Variants in PRKG1 observed in about 807,000 individuals in gnomAD.
PRKG1 encodes the protein cGMP-dependent protein kinase 1.
Under a neutral mutation model 88.1 loss-of-function variants are expected in PRKG1, and 35 were observed. The observed-to-expected ratio is 0.40, with a 90% CI of 0.30 to 0.53. The LOEUF is 0.53. PRKG1 is among the 20% of genes least tolerant of loss of function. The probability of loss-of-function intolerance (pLI) is 0.59; values close to 1 mark genes in which losing one functional copy is unlikely to be tolerated. For synonymous variants in PRKG1, 303 were observed against 292.5 expected (o/e 1.04, Z -0.37); for missense variants, 540 against 839.8 (o/e 0.64, Z 4.41).
intron 4 of PRKG1, among the ~76,000 whole-genome samples, chr10:51,846,733 C>A (rs1050578267): frequency 3.3e-5 from 5 of 152,132 alleles, no homozygotes; most frequent in Non-Finnish European, 7.4e-5. Flanking sequence ...GGATTTAATT[C>A]TGTTGCCTCT....
chr10:52,265,597 T>C (rs867806090), intron 10 of PRKG1, among the ~76,000 whole-genome samples: 6 of 152,004 alleles, frequency 3.9e-5, no homozygotes, highest in African/African-American at 1.2e-4. Flanking sequence ...AGGCAAAAAA[T>C]TGGGTCCAGT....
rs189262421 is a variant in PRKG1 at position 51,894,160 on chromosome 10, G to A, written c.699-13347G>A. On this transcript the variant is annotated intron_variant, in intron 4 of 17. Transcript: ENST00000373980. ...TCAGAAAATAAGTTGGAATAGGTTTGTGTGTTTTAGTGATTATTTTAAGTT... is the reference window on the plus strand; with the variant it reads ...TCAGAAAATAAGTTGGAATAGGTTTATGTGTTTTAGTGATTATTTTAAGTT... Among the ~76,000 whole-genome samples, 902 of 152,282 alleles carry A rather than the reference G, an allele frequency of 5.9e-3. 3 individuals carry two copies. The highest frequency in any genetic ancestry group is 0.01 in the Middle Eastern group (3 of 294).
intron 3 of PRKG1, among the ~76,000 whole-genome samples, chr10:51,564,408 GA>G (rs1837549665): frequency 6.6e-6 from 1 of 152,022 alleles, no homozygotes; most frequent in African/African-American, 2.4e-5. Flanking sequence ...TTTTAAGGAT[GA>G]AATCAGGGAT....
intron 1 of PRKG1, among the ~76,000 whole-genome samples, chr10:51,018,147 A>C (rs1057417698): frequency 6.6e-5 from 10 of 152,156 alleles, no homozygotes; most frequent in African/African-American, 2.2e-4. Context: ...TATATTAATT[A>C]ATTTAATCTT....
At chr10:51,206,174 A>AG (rs1838054185) in intron 2 of PRKG1, among the ~76,000 whole-genome samples, 1 of 152,044 alleles carries the variant, frequency 6.6e-6, no homozygotes, top group African/African-American at 2.4e-5. Context: ...ATAAACTGTG[A>AG]GGGGCTACTT....
At chr10:52,197,640 A>G (rs1839543630) in intron 9 of PRKG1, among the ~76,000 whole-genome samples, 1 of 152,196 alleles carries the variant, frequency 6.6e-6, no homozygotes, top group Non-Finnish European at 1.5e-5. Context: ...TTCGAATAGC[A>G]GCGTGGTCAC....
At chr10:51,377,033 C>T (rs1337326678) in intron 2 of PRKG1, among the ~76,000 whole-genome samples, 1 of 152,034 alleles carries the variant, frequency 6.6e-6, no homozygotes, top group South Asian at 2.1e-4. Flanking sequence ...AACCAAATGT[C>T]CATAGATTGT....
At chr10:51,312,683 A>G (rs202166135) in intron 2 of PRKG1, among the ~76,000 whole-genome samples, 44 of 150,914 alleles carry the variant, frequency 2.9e-4, no homozygotes, top group African/African-American at 9.2e-4. Context: ...AGATGGATAT[A>G]TGTGTGTGTG....
rs1841325104 is a variant in PRKG1, at chr10:51,697,441, T to C, written c.593-107144T>C. ...ATATTGCTGCTTATTCTTTGTAATC[T>C]TATTTGGCATAATATAATCATGTTC... On this transcript the variant is annotated intron_variant, in intron 3 of 17. Transcript: ENST00000373980. 11 of 474,362 alleles carry C rather than the reference T, an allele frequency of 2.3e-5. No individual in the cohort carries two copies. The South Asian group carries it at 3.2e-4, about 14-fold the overall frequency. The allele number at this position is 474,362 out of a possible 1,614,324, so 29.4% of individuals were successfully genotyped here. A position where few individuals can be genotyped will look rare whatever the true frequency, so the allele number is the denominator to read the frequency against.
At chr10:52,045,038 T>C (rs964630551) in intron 5 of PRKG1, among the ~76,000 whole-genome samples, 3 of 152,176 alleles carry the variant, frequency 2.0e-5, no homozygotes, top group African/African-American at 7.2e-5. Context: ...TGGGTGCAAG[T>C]CACAAATTAA....
At chr10:51,427,338 T>G (rs1358604291) in intron 2 of PRKG1, among the ~76,000 whole-genome samples, 1 of 152,090 alleles carries the variant, frequency 6.6e-6, no homozygotes, top group Non-Finnish European at 1.5e-5. Flanking sequence ...ATTTTGAAAT[T>G]GTGGAGACTT....
chr10:52,035,882 A>G (rs915940620), intron 5 of PRKG1, among the ~76,000 whole-genome samples: 3 of 152,216 alleles, frequency 2.0e-5, no homozygotes, highest in Admixed American at 1.3e-4. Context: ...CTAAAACAGT[A>G]AGGTCAAGTT....
chr10:51,499,774 A>T (rs1202564213), intron 3 of PRKG1, among the ~76,000 whole-genome samples: 1 of 152,174 alleles, frequency 6.6e-6, no homozygotes, highest in Non-Finnish European at 1.5e-5. Context: ...TCCCGTCTCT[A>T]CAAAAAATTT....
intron 4 of PRKG1, among the ~76,000 whole-genome samples, chr10:51,867,467 A>G (rs1471846290): frequency 6.6e-6 from 1 of 152,138 alleles, no homozygotes; most frequent in Non-Finnish European, 1.5e-5. Context: ...TCAGGAGAGA[A>G]ATGACAAAGG....
At chr10:51,810,926 T>A (rs181521482) in intron 4 of PRKG1, among the ~76,000 whole-genome samples, 7 of 152,324 alleles carry the variant, frequency 4.6e-5, no homozygotes, top group Admixed American at 3.9e-4. Context: ...TACATAATGA[T>A]GCATCATCAC....
At chr10:51,886,663 T>C (rs935827394) in intron 4 of PRKG1, among the ~76,000 whole-genome samples, 3 of 152,216 alleles carry the variant, frequency 2.0e-5, no homozygotes, top group African/African-American at 7.2e-5. Context: ...CTGGCTCGTT[T>C]TGCAGATGAT....
intron 1 of PRKG1, among the ~76,000 whole-genome samples, chr10:51,086,170 G>A (rs979861033): frequency 6.6e-6 from 1 of 152,176 alleles, no homozygotes; most frequent in Non-Finnish European, 1.5e-5. Flanking sequence ...TGTCCTCATG[G>A]AAAGCAATGG....
chr10:51,926,076 C>T (rs1432455343), intron 5 of PRKG1, among the ~76,000 whole-genome samples: 1 of 151,944 alleles, frequency 6.6e-6, no homozygotes, highest in Admixed American at 6.6e-5. Flanking sequence ...AATGAAATGA[C>T]AACATGATAT....
chr10:51,315,748 A>G (rs531047556), intron 2 of PRKG1, among the ~76,000 whole-genome samples: 2 of 152,358 alleles, frequency 1.3e-5, no homozygotes, highest in South Asian at 2.1e-4. Context: ...GATATTAGAA[A>G]GAATTAAATA....
Sources: allele counts gnomAD v4.1 joint callset (sites outside exome capture counted in the v4.1 genomes callset), GRCh38; gene constraint gnomAD v4.1.1; transcripts MANE v1.5; gene names NCBI Gene and HGNC (gene_info 2026-07-23, HGNC 2026-07-21).